MAN2B2: variants seen among roughly 807,000 people sequenced by gnomAD.
MAN2B2 encodes the protein epididymis-specific alpha-mannosidase.
Under a neutral mutation model 117.1 loss-of-function variants are expected in MAN2B2, and 106 were observed. That is an observed-to-expected ratio of 0.90 (90% CI 0.77 to 1.06). The LOEUF (loss-of-function observed/expected upper bound fraction) is 1.06. MAN2B2 is among the 50% of genes least tolerant of loss of function. The pLI is 0.00. For missense variants in MAN2B2, 1,326 were observed against 1,381.4 expected, an observed-to-expected ratio of 0.96 and a Z score of 0.64; for synonymous variants, 544 against 595.1, an observed-to-expected ratio of 0.91 and a Z score of 1.25.
chr4:6,614,429 A>C lies in MAN2B2; in HGVS notation c.2701+74A>C, dbSNP rs552345260. On this transcript the variant is annotated intron_variant, in intron 16 of 18. Coordinates refer to ENST00000285599, the MANE Select transcript of MAN2B2 (RefSeq NM_015274.3). The stretch of plus-strand genomic sequence containing the variant: ...CAAACAGGCCACCGGGCCCACCACC[A>C]GACAGGGGCTCACCTTAGAGCTATC... 261 of 1,553,222 alleles carry C rather than the reference A, an allele frequency of 1.7e-4. 2 individuals are homozygous for C. Among genetic ancestry groups the C allele is most frequent in the Middle Eastern group, 1.6e-3 (7 of 4,508 alleles).
At chr4:6,581,965 C>T (rs983493391) in intron 3 of MAN2B2, among the ~76,000 whole-genome samples, 3 of 151,992 alleles carry the variant, frequency 2.0e-5, no homozygotes, top group African/African-American at 7.3e-5. Context: ...CAGCGGCCCC[C>T]GGGGGTAAGA....
At position 6,597,410 on chromosome 4, in the gene MAN2B2, A is replaced by G. The variant is rs1285844900; in HGVS notation, c.1248+107A>G. On this transcript the variant is annotated intron_variant, in intron 8 of 18. Transcript: ENST00000285599. Reference sequence around the variant, plus strand: ...CCAGCCCTGGGGCACTAGAGGCCCCACTTTACAGAGGGGAAACTGAGGTTC... The same window carrying G: ...CCAGCCCTGGGGCACTAGAGGCCCCGCTTTACAGAGGGGAAACTGAGGTTC... The G allele has an allele frequency of 5.7e-6, 7 of 1,219,174 alleles. No individual in the cohort carries two copies. In the East Asian group the frequency reaches 2.0e-4, roughly 35 times the overall value. The allele number at this position is 1,219,174 out of a possible 1,614,324, so 75.5% of individuals were successfully genotyped here.
intron 4 of MAN2B2, 86 bp from the exon 5 acceptor site, chr4:6,588,959 C>A: frequency 4.3e-6 from 4 of 940,040 alleles, no homozygotes; most frequent in Non-Finnish European, 5.1e-6. Flanking sequence ...TGAGGGCAGG[C>A]GGGAGACACC....
chr4:6,595,129 C>T (rs1289392474), intron 7 of MAN2B2, among the ~76,000 whole-genome samples: 1 of 152,214 alleles, frequency 6.6e-6, no homozygotes, highest in Non-Finnish European at 1.5e-5. Flanking sequence ...ACTGCACAGT[C>T]ATTACTGGGC....
At chr4:6,613,117 AC>A (rs1036643772) in intron 15 of MAN2B2, among the ~76,000 whole-genome samples, 7 of 152,178 alleles carry the variant, frequency 4.6e-5, no homozygotes, top group African/African-American at 1.7e-4. Flanking sequence ...GATTGGTCCT[AC>A]TGGGGTCAGG....
chr4:6,594,874 G>A, intron 7 of MAN2B2, 142 bp downstream of exon 7: 1 of 819,098 alleles, frequency 1.2e-6, no homozygotes, highest in African/African-American at 1.7e-5. Context: ...GGGGCGCAGG[G>A]GCAGAGACTG....
At chr4:6,583,647 A>C (rs943280341) in intron 3 of MAN2B2, among the ~76,000 whole-genome samples, 1 of 152,240 alleles carries the variant, frequency 6.6e-6, no homozygotes, top group African/African-American at 2.4e-5. Context: ...ACTGAGGGGC[A>C]TAAGGCAGAA....
chr4:6,577,191 C>T (rs541957804), intron 2 of MAN2B2, among the ~76,000 whole-genome samples: 7 of 152,268 alleles, frequency 4.6e-5, no homozygotes, highest in East Asian at 3.9e-4. Context: ...TCAGAGTCCC[C>T]GCTGCACAGT....
In MAN2B2 at chr4:6,580,814, G is replaced by C. The variant is rs186724318; in HGVS notation, c.391+2316G>C. ...CCTGCCCTGAGGGTACCCACCACTG[G>C]GGTACCTCGCCTCTGGCCTCAGCCC... On this transcript the variant is annotated intron_variant, in intron 3 of 18. Transcript: ENST00000285599. Among the ~76,000 whole-genome samples, 165 of 152,280 alleles carry C rather than the reference G, an allele frequency of 1.1e-3. 2 individuals carry two copies. Among genetic ancestry groups the C allele is most frequent in the African/African-American group, 3.8e-3 (160 of 41,572 alleles).
intron 10 of MAN2B2, among the ~76,000 whole-genome samples, chr4:6,602,728 G>A (rs1727379720): frequency 1.3e-5 from 2 of 149,670 alleles, no homozygotes; most frequent in African/African-American, 4.9e-5. Flanking sequence ...GGAGTGCAGT[G>A]GCACAATCAC....
intron 4 of MAN2B2, among the ~76,000 whole-genome samples, chr4:6,588,574 G>C (rs752185862): frequency 6.6e-6 from 1 of 152,130 alleles, no homozygotes; most frequent in Non-Finnish European, 1.5e-5. Flanking sequence ...AATTAGCCGG[G>C]CGTGGTAGCA....
At chr4:6,602,774 G>C (rs1334265636) in intron 10 of MAN2B2, among the ~76,000 whole-genome samples, 4 of 150,198 alleles carry the variant, frequency 2.7e-5, no homozygotes, top group Admixed American at 1.3e-4. Context: ...AGCTCAAGTT[G>C]ATTCTCCCAC....
chr4:6,590,253 C>T (rs1055024481), intron 5 of MAN2B2, among the ~76,000 whole-genome samples: 33 of 151,952 alleles, frequency 2.2e-4, no homozygotes, highest in African/African-American at 1.2e-4. Context: ...GGTGTTGTGG[C>T]GCATCCCTGT....
intron 8 of MAN2B2, among the ~76,000 whole-genome samples, chr4:6,597,957 T>A (rs2301791): frequency 0.47 from 70,997 of 152,080 alleles, 16,748 homozygotes; most frequent in East Asian, 0.64. Flanking sequence ...TTCAGGGTCC[T>A]TCAGAGCAGG....
chr4:6,603,248 C>T (rs1352468546), intron 10 of MAN2B2, among the ~76,000 whole-genome samples: 3 of 152,150 alleles, frequency 2.0e-5, no homozygotes, highest in South Asian at 2.1e-4. Flanking sequence ...GCGCCAGACA[C>T]GCCACCCAGC....
rs77893177 is a variant in MAN2B2, at chr4:6,621,514, C to T, written c.*229C>T. 1.8e-5 allele frequency: 9 copies of T among 503,160 alleles called. No individual in the cohort carries two copies. The South Asian group carries it at 2.4e-4, about 13-fold the overall frequency. 31.2% of individuals were successfully genotyped at this position (503,160 alleles called of 1,614,324 possible). A position where few individuals can be genotyped will look rare whatever the true frequency, so the allele number is the denominator to read the frequency against. On this transcript the variant is annotated 3_prime_UTR_variant, in exon 19 of 19. Transcript: ENST00000285599. The stretch of plus-strand genomic sequence containing the variant: ...CCCCCCACACTCAATCAAGCCAGCC[C>T]TCTCCTCTTCTGTCACGTAAAGGAT...
intron 6 of MAN2B2, among the ~76,000 whole-genome samples, chr4:6,593,751 A>G (rs887910879): frequency 6.6e-6 from 1 of 152,254 alleles, no homozygotes; most frequent in Non-Finnish European, 1.5e-5. Flanking sequence ...CGTCGTGGCC[A>G]TCGTCACAGC....
intron 4 of MAN2B2, 80 bp downstream of exon 4, chr4:6,587,248 G>C (rs1316511336): frequency 6.6e-7 from 1 of 1,508,492 alleles, no homozygotes; most frequent in East Asian, 2.3e-5. Flanking sequence ...GTAGAAAGCT[G>C]CTGCTCTATG....
At chr4:6,617,628 T>G in intron 17 of MAN2B2, 136 bp downstream of exon 17, 1 of 1,505,644 alleles carries the variant, frequency 6.6e-7, no homozygotes, top group Non-Finnish European at 8.9e-7. Context: ...CACCCCGCCC[T>G]TCTTCATGGT....
Sources: gnomAD v4.1 joint callset for allele counts (sites outside exome capture counted in the v4.1 genomes callset) on GRCh38, gnomAD v4.1.1 for gene constraint, MANE v1.5 for transcripts, NCBI Gene and HGNC (gene_info 2026-07-23, HGNC 2026-07-21) for gene names.